Variants in CD83 observed in about 807,000 individuals in gnomAD.
CD83 encodes CD83 antigen.
In CD83, 22 loss-of-function variants were observed where a neutral mutation model predicts 24.6. The observed-to-expected ratio is 0.90, with a 90% CI of 0.64 to 1.28. The LOEUF (loss-of-function observed/expected upper bound fraction) is 1.28. CD83 is among the 50% of genes most tolerant of loss of function. The pLI is 0.00. For synonymous variants in CD83, 101 were observed against 103.5 expected (o/e 0.98, Z 0.14); for missense variants, 253 against 252.8 (o/e 1.00, Z -0.01).
chr6:14,135,176 A>G lies in CD83; in HGVS notation c.558A>G (p.Pro186=). 1 of 1,614,124 alleles carries G rather than the reference A, an allele frequency of 6.2e-7. No individual in the cohort carries two copies. Among genetic ancestry groups the G allele is most frequent in the South Asian group, 1.1e-5 (1 of 91,080 alleles). Residue 186 remains proline, a synonymous_variant, in exon 5 of 5, where the codon CCA becomes CCG. Transcript: ENST00000379153. The part of the protein sequence containing the change: ...SKAGMERAFL[P]VTSPNKHLGL... ...CTGGCATGGAACGAGCTTTTCTCCC[A>G]GTTACCTCCCCAAATAAGCATTTAG...
Position 14,117,820 on chromosome 6 carries a change from C to T in CD83, c.9C>T (p.Arg3=), listed in dbSNP as rs377582590. The change falls in exon 1 of 5, where the codon CGC becomes CGT. Residue 3 remains arginine, a synonymous_variant. Coordinates refer to ENST00000379153, the MANE Select transcript of CD83 (RefSeq NM_004233.4). The surrounding 1 kb of genome is among the most constrained non-coding windows in gnomAD (Gnocchi z 4.6). ...GGCGCAGCGCTCCAGCCATGTCGCG[C>T]GGCCTCCAGCTTCTGCTCCTGAGCT... MS[R]GLQLLLLSCA... is the part of the protein sequence containing the mutation. The T allele has an allele frequency of 1.1e-4, 171 of 1,563,626 alleles. 1 individual carries two copies. The African/African-American group carries it at 1.9e-3, about 18-fold the overall frequency.
At position 14,136,302 on chromosome 6, in the gene CD83, T is replaced by A. The variant is rs1201007839; in HGVS notation, c.*1066T>A. The A allele has an allele frequency of 6.6e-6, 1 of 152,264 alleles. No individual in the cohort carries two copies. Among genetic ancestry groups the A allele is most frequent in the Non-Finnish European group, 1.5e-5 (1 of 68,054 alleles). The allele number at this position is 152,264 out of a possible 1,614,324, so 9.4% of individuals were successfully genotyped here. On this transcript the variant is annotated 3_prime_UTR_variant, in exon 5 of 5. Transcript: ENST00000379153. ...ATGAGAGGGTGCTATCCATTTCTCA[T>A]GTTTTCCATTGTTTGAAACAAAGAA...
At chr6:14,133,447 G>T (rs1294806542) in intron 3 of CD83, among the ~76,000 whole-genome samples, 2 of 152,208 alleles carry the variant, frequency 1.3e-5, no homozygotes, top group Non-Finnish European at 2.9e-5. Context: ...CCATGTGAGA[G>T]TCGCATGCAG....
chr6:14,128,733 T>G (rs1262207827), intron 2 of CD83, among the ~76,000 whole-genome samples: 1 of 152,200 alleles, frequency 6.6e-6, no homozygotes, highest in Admixed American at 6.5e-5. Context: ...CCTTCTCCCT[T>G]GATTCTTCCT....
At chr6:14,118,202 A>T (rs2113382466) in intron 2 of CD83, 137 bp downstream of exon 2, 2 of 604,554 alleles carry the variant, frequency 3.3e-6, no homozygotes, top group South Asian at 2.1e-5. Flanking sequence ...AACTTGGAGT[A>T]CCCAGCCTCC....
intron 2 of CD83, among the ~76,000 whole-genome samples, chr6:14,119,980 A>G (rs1196640744): frequency 6.6e-6 from 1 of 152,222 alleles, no homozygotes; most frequent in Non-Finnish European, 1.5e-5. Context: ...GTAACTCGGT[A>G]ACGCATGAGC....
chr6:14,123,574 C>T (rs763318715), intron 2 of CD83, among the ~76,000 whole-genome samples: 7 of 151,784 alleles, frequency 4.6e-5, no homozygotes, highest in Non-Finnish European at 8.8e-5. Flanking sequence ...TGTAGTTCTG[C>T]GGAGGAGTGG....
intron 4 of CD83, 111 bp from the exon 5 acceptor site, chr6:14,134,997 G>A: frequency 9.6e-7 from 1 of 1,041,894 alleles, no homozygotes; most frequent in Non-Finnish European, 1.4e-6. Context: ...GAGTATGAGA[G>A]CTTCCAGAAT....
chr6:14,124,809 C>T (rs1031334840), intron 2 of CD83, among the ~76,000 whole-genome samples: 2 of 152,094 alleles, frequency 1.3e-5, no homozygotes, highest in African/African-American at 4.8e-5. Flanking sequence ...AATTGTGCCC[C>T]CCCCAAAAGA....
At chr6:14,123,523 ATTCTTTTCC>A (rs542715955) in intron 2 of CD83, among the ~76,000 whole-genome samples, 53 of 152,326 alleles carry the variant, frequency 3.5e-4, no homozygotes, top group African/African-American at 1.2e-3. Flanking sequence ...GGGAGACTTC[ATTCTTTTCC>A]TTCTTTTCCT....
At chr6:14,133,825 C>A (rs1581335270) in intron 4 of CD83, 70 bp downstream of exon 4, 3 of 1,005,154 alleles carry the variant, frequency 3.0e-6, no homozygotes, top group East Asian at 2.4e-5. Context: ...GTATCTCTTG[C>A]AGATAGTGCG....
At chr6:14,118,398 G>C (rs979854619) in intron 2 of CD83, among the ~76,000 whole-genome samples, 1 of 152,326 alleles carries the variant, frequency 6.6e-6, no homozygotes, top group African/African-American at 2.4e-5. Flanking sequence ...TTGTGGGCCA[G>C]CAGGTCAGGA....
chr6:14,123,243 G>T (rs1759712044), intron 2 of CD83, among the ~76,000 whole-genome samples: 1 of 151,878 alleles, frequency 6.6e-6, no homozygotes, highest in Non-Finnish European at 1.5e-5. Flanking sequence ...GATTACAGGT[G>T]CCCACCACCA....
chr6:14,133,525 A>C (rs1434279239), intron 3 of CD83, 124 bp from the exon 4 acceptor site: 1 of 660,778 alleles, frequency 1.5e-6, no homozygotes, highest in African/African-American at 1.8e-5. Context: ...ACTGTCGTTC[A>C]TCCTGATGGT....
chr6:14,129,276 T>C lies in CD83; in HGVS notation c.154-2244T>C, dbSNP rs992071609. On this transcript the variant is annotated intron_variant, in intron 2 of 4. Transcript: ENST00000379153. The surrounding 1 kb of genome is among the most constrained non-coding windows in gnomAD (Gnocchi z 4.3). The stretch of plus-strand genomic sequence containing the variant: ...CCTTTCAGGCCATCCTAGACACAGA[T>C]TGGCCCTGGATGGGCCTCGGTCTCT... Among the ~76,000 whole-genome samples, 1 of 152,224 alleles carries C rather than the reference T, an allele frequency of 6.6e-6. No homozygotes were observed. The highest frequency in any genetic ancestry group is 1.5e-5 in the Non-Finnish European group (1 of 68,036).
chr6:14,117,763 CCG>C (rs756650749), upstream of CD83: 36 of 1,348,684 alleles, frequency 2.7e-5, no homozygotes, highest in South Asian at 5.6e-4. This position sits in a 1 kb window ranked among gnomAD's most constrained non-coding sequence, Gnocchi z 4.6. Flanking sequence ...CAGCCGGCGC[CCG>C]CGCGCCACAG....
At chr6:14,133,372 G>A (rs975621059) in intron 3 of CD83, among the ~76,000 whole-genome samples, 3 of 152,250 alleles carry the variant, frequency 2.0e-5, no homozygotes, top group African/African-American at 7.2e-5. Flanking sequence ...GACCCTCTCT[G>A]AGCCTCGGCT....
chr6:14,134,960 A>G, intron 4 of CD83, 148 bp from the exon 5 acceptor site: 1 of 722,668 alleles, frequency 1.4e-6, no homozygotes, highest in South Asian at 1.8e-5. Flanking sequence ...GGTTGGTACA[A>G]ATCCCTTGTG....
At chr6:14,130,374 C>T (rs1757858167) in intron 2 of CD83, among the ~76,000 whole-genome samples, 1 of 152,174 alleles carries the variant, frequency 6.6e-6, no homozygotes, top group Admixed American at 6.5e-5. Context: ...GTGGTATGAG[C>T]CTAATCTATG....
Sources: allele counts gnomAD v4.1 joint callset (sites outside exome capture counted in the v4.1 genomes callset), GRCh38; gene constraint gnomAD v4.1.1; non-coding constraint Gnocchi (gnomAD v3.1); transcripts MANE v1.5; gene names NCBI Gene and HGNC (gene_info 2026-07-23, HGNC 2026-07-21).